Variants in PDE4D observed in about 807,000 individuals in gnomAD.
PDE4D encodes the protein phosphodiesterase 4D, also known as 3',5'-cyclic-AMP phosphodiesterase 4D.
Under a neutral mutation model 87.4 loss-of-function variants are expected in PDE4D, and 24 were observed. That is an observed-to-expected ratio of 0.27 (90% CI 0.20 to 0.39). The LOEUF is 0.39. Ranked by LOEUF, PDE4D falls within the 10% of genes least tolerant of loss-of-function variation. The pLI is 1.00. For synonymous variants in PDE4D, 384 were observed against 383.2 expected, an observed-to-expected ratio of 1.00 and a Z score of -0.02; for missense variants, 714 against 1,041.0, an observed-to-expected ratio of 0.69 and a Z score of 4.32.
intron 1 of PDE4D, among the ~76,000 whole-genome samples, chr5:60,317,663 A>G (rs113119523): frequency 0.088 from 13,445 of 152,170 alleles, 1,955 homozygotes; most frequent in African/African-American, 0.31. Context: ...CATTGAATGT[A>G]TCCCAGAGAT....
chr5:60,199,308 A>T lies in PDE4D; in HGVS notation c.-89-13621T>A, dbSNP rs1453170499. Among the ~76,000 whole-genome samples the T allele has an allele frequency of 5.9e-5, 9 of 151,728 alleles. No homozygotes were observed. In the East Asian group the frequency reaches 1.7e-3, roughly 29 times the overall value. On this transcript the variant is annotated intron_variant, in intron 1 of 16. Transcript: ENST00000502484. ...CACCTCAGTTCACCAAGATCTCCTG[A>T]TTATCCAAATAGCTGTTCAGAGCTT...
At chr5:60,416,984 C>A (rs1742654885) in intron 1 of PDE4D, among the ~76,000 whole-genome samples, 1 of 152,230 alleles carries the variant, frequency 6.6e-6, no homozygotes, top group Non-Finnish European at 1.5e-5. Flanking sequence ...GCGATTCCAT[C>A]TACAAATGGC....
chr5:60,040,560 A>G (rs1562011276), intron 2 of PDE4D, among the ~76,000 whole-genome samples: 1 of 152,178 alleles, frequency 6.6e-6, no homozygotes, highest in African/African-American at 2.4e-5. Flanking sequence ...TTACTCAGAA[A>G]TGCATACTTC....
intron 2 of PDE4D, among the ~76,000 whole-genome samples, chr5:60,071,504 T>C (rs1772715249): frequency 6.6e-6 from 1 of 152,114 alleles, no homozygotes; most frequent in East Asian, 1.9e-4. Flanking sequence ...CTTAAAAGTC[T>C]TTTTCACAAA....
chr5:59,005,661 C>T (rs896909418), intron 6 of PDE4D, among the ~76,000 whole-genome samples: 18 of 152,184 alleles, frequency 1.2e-4, no homozygotes, highest in Admixed American at 3.9e-4. Context: ...ATTTACTAGG[C>T]ACCTACTATG....
chr5:59,438,611 C>T (rs951004450), intron 1 of PDE4D, among the ~76,000 whole-genome samples: 1 of 152,120 alleles, frequency 6.6e-6, no homozygotes, highest in African/African-American at 2.4e-5. Flanking sequence ...TTTACTTTTG[C>T]AATATTATTG....
intron 5 of PDE4D, among the ~76,000 whole-genome samples, chr5:59,074,391 G>A (rs1048252913): frequency 6.6e-6 from 1 of 152,132 alleles, no homozygotes; most frequent in Non-Finnish European, 1.5e-5. Context: ...TGAGTTATGA[G>A]ATTCAGTAAT....
Position 60,037,508 on chromosome 5 carries a change from G to A in PDE4D, c.43-48791C>T, listed in dbSNP as rs139016079. ...TCTGGGCCCATTTGTTTACTTATTC[G>A]TTGCTTTCCTCATTCATTGGTTTTA... On this transcript the variant is annotated intron_variant, in intron 2 of 16. Transcript: ENST00000502484. 1.5e-3 allele frequency among the ~76,000 whole-genome samples: 232 copies of A among 151,970 alleles called. 1 individual carries two copies. The highest frequency in any genetic ancestry group is 3.4e-3 in the Middle Eastern group (1 of 294).
At chr5:60,400,521 CAAAAAA>C (rs56750243) in intron 1 of PDE4D, among the ~76,000 whole-genome samples, 53 of 62,322 alleles carry the variant, frequency 8.5e-4, no homozygotes, top group East Asian at 1.9e-3. Context: ...GACTCCATCT[CAAAAAA>C]AAAAAAAAAA....
intron 1 of PDE4D, chr5:59,276,122 G>GAAAAAAAAAAA (rs56153175): frequency 6.4e-6 from 5 of 787,054 alleles, no homozygotes; most frequent in African/African-American, 2.3e-5. Flanking sequence ...AGTGAGAAAG[G>GAAAAAAAAAAA]AAAAAAAAAA....
intron 1 of PDE4D, among the ~76,000 whole-genome samples, chr5:59,637,178 A>G (rs1832352025): frequency 6.6e-6 from 1 of 152,234 alleles, no homozygotes. Flanking sequence ...AGAAATGCAA[A>G]TCAAAACTAC....
chr5:60,182,424 T>C (rs545421432), intron 2 of PDE4D, among the ~76,000 whole-genome samples: 2 of 152,158 alleles, frequency 1.3e-5, no homozygotes, highest in African/African-American at 4.8e-5. Flanking sequence ...GAATATCAAA[T>C]TCACCTGAGA....
chr5:60,417,511 T>A (rs145025793), intron 1 of PDE4D, among the ~76,000 whole-genome samples: 13 of 152,336 alleles, frequency 8.5e-5, no homozygotes, highest in Admixed American at 1.3e-4. Context: ...AAAAATCAAC[T>A]ACATTCGCAA....
At chr5:59,614,763 A>T (rs1579857776) in intron 1 of PDE4D, among the ~76,000 whole-genome samples, 1 of 152,074 alleles carries the variant, frequency 6.6e-6, no homozygotes, top group East Asian at 1.9e-4. Flanking sequence ...GAAGGCATTT[A>T]TCTGTAAATT....
intron 2 of PDE4D, among the ~76,000 whole-genome samples, chr5:60,057,858 C>T (rs191843877): frequency 2.2e-4 from 33 of 152,030 alleles, no homozygotes; most frequent in Non-Finnish European, 3.7e-4. Context: ...TTACAACTGA[C>T]TACAGTAATG....
intron 1 of PDE4D, among the ~76,000 whole-genome samples, chr5:59,719,159 ACATGAGCCATTGGTATGCTGG>A (rs1272581008): frequency 3.9e-5 from 6 of 152,144 alleles, no homozygotes; most frequent in Admixed American, 2.6e-4. Flanking sequence ...ACTATTCTAA[ACATGAGCCATTGGTATGCTGG>A]TAAATATTTA....
intron 1 of PDE4D, among the ~76,000 whole-genome samples, chr5:59,490,066 A>C (rs1805902245): frequency 6.6e-6 from 1 of 152,124 alleles, no homozygotes; most frequent in African/African-American, 2.4e-5. Context: ...TCATTTCGCA[A>C]ATATTTGCTT....
At chr5:59,483,891 T>C (rs1470392940) in intron 1 of PDE4D, among the ~76,000 whole-genome samples, 1 of 152,212 alleles carries the variant, frequency 6.6e-6, no homozygotes, top group East Asian at 1.9e-4. Context: ...TCTTCTTCCA[T>C]ATTAAAGCTA....
rs181767969 is a variant in PDE4D at position 59,002,870 on chromosome 5, G to A, written c.922-9405C>T. ...ATAAATAACCAGAACAGATACATAT[G>A]AGGATTAAATGAGACCATATATGCA... On this transcript the variant is annotated intron_variant, in intron 6 of 14. Coordinates refer to ENST00000340635, the MANE Select transcript of PDE4D (RefSeq NM_001104631.2). Among the ~76,000 whole-genome samples the A allele has an allele frequency of 3.9e-5, 6 of 152,238 alleles. No individual in the cohort carries two copies. The East Asian group carries it at 1.2e-3, about 29-fold the overall frequency.
Sources: gnomAD v4.1 joint callset for allele counts (sites outside exome capture counted in the v4.1 genomes callset) on GRCh38, gnomAD v4.1.1 for gene constraint, MANE v1.5 for transcripts, NCBI Gene and HGNC (gene_info 2026-07-23, HGNC 2026-07-21) for gene names.